Variants in GPLD1 observed in about 807,000 individuals in gnomAD.
The protein encoded by GPLD1 is glycosylphosphatidylinositol specific phospholipase D1, also known as phosphatidylinositol-glycan-specific phospholipase D.
In GPLD1, 84 loss-of-function variants were observed where a neutral mutation model predicts 112.6. The observed-to-expected ratio is 0.75, with a 90% CI of 0.63 to 0.89. GPLD1 has a LOEUF of 0.89. Among genes scored for constraint, GPLD1 ranks in the 40% least tolerant of loss-of-function variants. The probability of loss-of-function intolerance (pLI) is 0.00; values close to 1 mark genes in which losing one functional copy is unlikely to be tolerated. For synonymous variants in GPLD1, 386 were observed against 403.8 expected, an observed-to-expected ratio of 0.96 and a Z score of 0.53; for missense variants, 1,044 against 1,051.5, an observed-to-expected ratio of 0.99 and a Z score of 0.10.
In GPLD1 at chr6:24,476,680, C is replaced by A. The variant is rs185402703; in HGVS notation, c.233-402G>T. 1.9e-4 allele frequency among the ~76,000 whole-genome samples: 29 copies of A among 152,264 alleles called. No individual in the cohort carries two copies. In the East Asian group the frequency reaches 5.2e-3, roughly 27 times the overall value. ...ATCTTCCTTGTCCCTCACAGTCAGC[C>A]TCCTTAAGAGTACAAGAAATAAAAG... On this transcript the variant is annotated intron_variant, in intron 3 of 24. Coordinates refer to ENST00000230036, the MANE Select transcript of GPLD1 (RefSeq NM_001503.4).
intron 2 of GPLD1, 27 bp from the exon 3 acceptor site, chr6:24,479,986 A>T: frequency 1.4e-6 from 2 of 1,440,526 alleles, no homozygotes; most frequent in Non-Finnish European, 2.0e-6. Flanking sequence ...TACAGAGATT[A>T]AGGGGCAGGA....
chr6:24,491,163 A>G (rs1305631287), upstream of GPLD1, among the ~76,000 whole-genome samples: 1 of 152,074 alleles, frequency 6.6e-6, no homozygotes, highest in Non-Finnish European at 1.5e-5. Context: ...CCCACCATCC[A>G]TGCAATGTGT....
intron 13 of GPLD1, among the ~76,000 whole-genome samples, chr6:24,455,994 G>A (rs1302188605): frequency 6.6e-6 from 1 of 152,020 alleles, no homozygotes; most frequent in African/African-American, 2.4e-5. Context: ...GGGCAACATA[G>A]CAAGACCCCA....
chr6:24,456,032 T>A (rs1763254780), intron 13 of GPLD1, among the ~76,000 whole-genome samples: 2 of 152,106 alleles, frequency 1.3e-5, no homozygotes, highest in Admixed American at 1.3e-4. Flanking sequence ...AAAATTTTTT[T>A]AATCAAATAA....
Position 24,435,940 on chromosome 6 carries a change from A to C in GPLD1, c.2358+636T>G, listed in dbSNP as rs958966352. 4.1e-4 allele frequency: 62 copies of C among 150,896 alleles called. 1 individual carries two copies. Among genetic ancestry groups the C allele is most frequent in the African/African-American group, 1.5e-3 (61 of 40,504 alleles). The allele number at this position is 150,896 out of a possible 1,614,324, so 9.3% of individuals were successfully genotyped here. ...TAAACAAAGAAATGAAACAAAAAGC[A>C]AAAGAGAGGACGTTTTAATGAAACT... On this transcript the variant is annotated intron_variant, in intron 22 of 24. Transcript: ENST00000230036.
chr6:24,464,245 G>A (rs1279961858), intron 10 of GPLD1, among the ~76,000 whole-genome samples: 1 of 152,078 alleles, frequency 6.6e-6, no homozygotes, highest in East Asian at 1.9e-4. Flanking sequence ...AAAATCCTAT[G>A]GTAAAAATAG....
chr6:24,465,196 C>CAAA (rs34368143), intron 10 of GPLD1, among the ~76,000 whole-genome samples: 92 of 101,318 alleles, frequency 9.1e-4, no homozygotes, highest in Non-Finnish European at 1.2e-3. Context: ...GACTCTGTCT[C>CAAA]AAAAAAAAAA....
chr6:24,494,697 G>A (rs1764644053), intron 1 of GPLD1, among the ~76,000 whole-genome samples: 1 of 152,214 alleles, frequency 6.6e-6, no homozygotes, highest in Non-Finnish European at 1.5e-5. Context: ...ACAGCAGTCC[G>A]CAGGTGCATC....
chr6:24,451,116 C>T (rs1357998848), intron 14 of GPLD1, among the ~76,000 whole-genome samples: 2 of 152,234 alleles, frequency 1.3e-5, no homozygotes, highest in Non-Finnish European at 2.9e-5. Context: ...CCTATCAGTG[C>T]AGAAAGTCCT....
chr6:24,445,892 T>G, intron 18 of GPLD1, 61 bp from the exon 19 acceptor site: 2 of 1,218,872 alleles, frequency 1.6e-6, no homozygotes, highest in East Asian at 4.6e-5. Flanking sequence ...GGCCAGGTAC[T>G]CAGGAGCAAG....
chr6:24,477,787 C>T (rs1022919911), intron 3 of GPLD1, among the ~76,000 whole-genome samples: 1 of 152,062 alleles, frequency 6.6e-6, no homozygotes, highest in Admixed American at 6.6e-5. Flanking sequence ...AATTAAGTAT[C>T]TAAGAAAGCT....
intron 14 of GPLD1, among the ~76,000 whole-genome samples, chr6:24,451,377 T>C (rs1364434473): frequency 6.6e-6 from 1 of 152,176 alleles, no homozygotes; most frequent in Non-Finnish European, 1.5e-5. Flanking sequence ...AGTTTCGCTC[T>C]TGTTGCCCAG....
intron 20 of GPLD1, among the ~76,000 whole-genome samples, chr6:24,439,997 C>G (rs1762695530): frequency 6.6e-6 from 1 of 152,148 alleles, no homozygotes; most frequent in African/African-American, 2.4e-5. Context: ...TTTAAATACA[C>G]ACACAAGTGT....
chr6:24,449,410 C>T (rs1763010227), intron 15 of GPLD1, among the ~76,000 whole-genome samples: 2 of 152,074 alleles, frequency 1.3e-5, no homozygotes. Context: ...AGGCAACAGG[C>T]GGGGATCCAC....
At position 24,427,423 on chromosome 6, in the gene GPLD1, C is replaced by T. The variant is rs556716614; in HGVS notation, c.*1609G>A. 9.8e-5 allele frequency among the ~76,000 whole-genome samples: 15 copies of T among 152,302 alleles called. No individual in the cohort carries two copies. Among genetic ancestry groups the T allele is most frequent in the South Asian group, 6.2e-4 (3 of 4,820 alleles). On this transcript the variant is annotated 3_prime_UTR_variant, in exon 25 of 25. Coordinates refer to ENST00000230036, the MANE Select transcript of GPLD1 (RefSeq NM_001503.4). ...TGAGATGGCTTAAAACTAGCAGTGT[C>T]GCTAGGCTCTTTAGGTGTTAGAACA...
intron 20 of GPLD1, among the ~76,000 whole-genome samples, chr6:24,444,015 T>C (rs1762832300): frequency 1.3e-5 from 2 of 152,318 alleles, no homozygotes; most frequent in South Asian, 4.1e-4. Context: ...CTTTCCCATA[T>C]TGCAAGAAAC....
At chr6:24,488,630 G>C (rs570472769) in intron 1 of GPLD1, among the ~76,000 whole-genome samples, 2,277 of 104,486 alleles carry the variant, frequency 0.022, 32 homozygotes, top group South Asian at 0.053. Context: ...TAGCTATGTG[G>C]GGGGGGCGGA....
At position 24,456,506 on chromosome 6, in the gene GPLD1, C is replaced by A; in HGVS notation, c.1140G>T (p.Arg380Ser). 1 of 1,604,586 alleles carries A rather than the reference C, an allele frequency of 6.2e-7. No homozygotes were observed. Among genetic ancestry groups the A allele is most frequent in the South Asian group, 1.1e-5 (1 of 89,220 alleles). The change falls in exon 13 of 25, where the codon AGG (arginine) becomes AGT (serine). Residue 380 changes from arginine to serine, a missense_variant. Transcript: ENST00000230036. ...ASYFLSFPYA[R>S]LGWAMTSADL... ...GATAAACTTATACGTACCAGCCAAG[C>A]CTCGCATAAGGAAATGACAAGAAGT... is the stretch of plus-strand genomic sequence containing the variant.
chr6:24,468,035 C>A (rs551356608), intron 7 of GPLD1, among the ~76,000 whole-genome samples: 154 of 152,096 alleles, frequency 1.0e-3, no homozygotes, highest in Non-Finnish European at 1.8e-3. Context: ...GCCTCCCAAG[C>A]AGCTGGGATT....
Sources: gnomAD v4.1 joint callset for allele counts (sites outside exome capture counted in the v4.1 genomes callset) on GRCh38, gnomAD v4.1.1 for gene constraint, MANE v1.5 for transcripts, NCBI Gene and HGNC (gene_info 2026-07-23, HGNC 2026-07-21) for gene names.